MGAT3: variants seen among roughly 807,000 people sequenced by gnomAD.
The protein encoded by MGAT3 is beta-1,4-mannosyl-glycoprotein 4-beta-N-acetylglucosaminyltransferase.
Under a neutral mutation model 29.8 loss-of-function variants are expected in MGAT3, and 9 were observed. The ratio of observed to expected loss-of-function variants is 0.30; its 90% CI spans 0.18 to 0.53. MGAT3 has a LOEUF of 0.53. Ranked by LOEUF, MGAT3 falls within the 20% of genes least tolerant of loss-of-function variation. The pLI, the probability that MGAT3 is intolerant of heterozygous loss-of-function variation, is 0.96. For synonymous variants in MGAT3, 397 were observed against 348.9 expected (o/e 1.14, Z -1.54); for missense variants, 557 against 769.5 (o/e 0.72, Z 3.27).
At position 39,490,363 on chromosome 22, in the gene MGAT3, C is replaced by G. The variant is rs1418441249; in HGVS notation, c.*1414C>G. The G allele has an allele frequency of 1.2e-5, 2 of 167,114 alleles. No homozygotes were observed. The highest frequency in any genetic ancestry group is 2.9e-5 in the Non-Finnish European group (2 of 68,150). 10.4% of individuals were successfully genotyped at this position (167,114 alleles called of 1,614,324 possible). A position where few individuals can be genotyped will look rare whatever the true frequency, so the allele number is the denominator to read the frequency against. ...TCAGTCACATGGCCACAAGCAGCTG[C>G]TAGGGAACCTGGGAAGTGTAGTCTT... On this transcript the variant is annotated 3_prime_UTR_variant, in exon 2 of 2. Transcript: ENST00000341184.
Position 39,490,873 on chromosome 22 carries a change from A to G in MGAT3, c.*1924A>G, listed in dbSNP as rs1036633155. On this transcript the variant is annotated 3_prime_UTR_variant, in exon 2 of 2. Transcript: ENST00000341184. ...GTGGCCACACCTCCTGCAGCTCCCC[A>G]AAATGACTGAGGCAGAAAGCCCTTG... is the stretch of plus-strand genomic sequence containing the variant. 6.0e-6 allele frequency: 1 copy of G among 166,950 alleles called. No individual in the cohort carries two copies. The highest frequency in any genetic ancestry group is 1.5e-5 in the Non-Finnish European group (1 of 68,092). The allele number at this position is 166,950 out of a possible 1,614,324, so 10.3% of individuals were successfully genotyped here. A position where few individuals can be genotyped will look rare whatever the true frequency, so the allele number is the denominator to read the frequency against.
intron 1 of MGAT3, among the ~76,000 whole-genome samples, chr22:39,479,684 T>C (rs1433346400): frequency 1.3e-5 from 2 of 152,246 alleles, no homozygotes; most frequent in South Asian, 2.1e-4. Flanking sequence ...TACTGTGTGC[T>C]AGGCATCTCA....
In MGAT3 at chr22:39,488,940, G is replaced by A; in HGVS notation, c.1593G>A (p.Ala531=). Residue 531 remains alanine (A), a synonymous_variant, in exon 2 of 2, where the codon GCG becomes GCA. Coordinates refer to ENST00000341184, the MANE Select transcript of MGAT3 (RefSeq NM_002409.5). The part of the protein sequence containing the change: ...RPPARGKLDE[A]EV Reference sequence around the variant, plus strand: ...CCGCCCGGGGCAAACTGGACGAGGCGGAAGTCTAGAGCTGCATGATCTGAT... The same window carrying A: ...CCGCCCGGGGCAAACTGGACGAGGCAGAAGTCTAGAGCTGCATGATCTGAT... 7.5e-6 allele frequency: 12 copies of A among 1,605,038 alleles called. No individual in the cohort carries two copies. The highest frequency in any genetic ancestry group is 1.0e-5 in the Non-Finnish European group (12 of 1,176,434).
At chr22:39,484,277 C>G (rs1015328498) in intron 1 of MGAT3, among the ~76,000 whole-genome samples, 5 of 152,154 alleles carry the variant, frequency 3.3e-5, no homozygotes, top group African/African-American at 1.2e-4. Flanking sequence ...GGAACAAGAG[C>G]TTATTGAGCA....
At chr22:39,462,846 T>C (rs558295270) in intron 1 of MGAT3, among the ~76,000 whole-genome samples, 24 of 152,358 alleles carry the variant, frequency 1.6e-4, no homozygotes, top group Non-Finnish European at 3.1e-4. Flanking sequence ...TACCGTATTG[T>C]TTATGAACTT....
At chr22:39,480,758 C>G (rs1279936681) in intron 1 of MGAT3, among the ~76,000 whole-genome samples, 3 of 152,242 alleles carry the variant, frequency 2.0e-5, no homozygotes, top group African/African-American at 7.2e-5. Context: ...TGGCTGCAAG[C>G]CCCAGGTCTG....
In MGAT3 at chr22:39,487,281, G is replaced by C; in HGVS notation, c.-1-66G>C. The C allele has an allele frequency of 6.6e-7, 1 of 1,519,412 alleles. No homozygotes were observed. Among genetic ancestry groups the C allele is most frequent in the African/African-American group, 1.4e-5 (1 of 71,904 alleles). The allele number at this position is 1,519,412 out of a possible 1,614,324, so 94.1% of individuals were successfully genotyped here. On this transcript the variant is annotated intron_variant, in intron 1 of 1. Coordinates refer to ENST00000341184, the MANE Select transcript of MGAT3 (RefSeq NM_002409.5). This position sits in a 1 kb window ranked among gnomAD's most constrained non-coding sequence, Gnocchi z 5.7. Reference sequence around the variant, plus strand: ...GCAAGGTGGCAGCAGAGGCCTCCTAGGTCCCCTTCCTAGGAAAGGAGCCTG... The same window carrying C: ...GCAAGGTGGCAGCAGAGGCCTCCTACGTCCCCTTCCTAGGAAAGGAGCCTG...
Position 39,489,067 on chromosome 22 carries a change from G to A in MGAT3, c.*118G>A. 1 of 1,145,716 alleles carries A rather than the reference G, an allele frequency of 8.7e-7. No homozygotes were observed. The highest frequency in any genetic ancestry group is 1.6e-5 in the South Asian group (1 of 61,746). The allele number at this position is 1,145,716 out of a possible 1,614,324, so 71.0% of individuals were successfully genotyped here. A position where few individuals can be genotyped will look rare whatever the true frequency, so the allele number is the denominator to read the frequency against. On this transcript the variant is annotated 3_prime_UTR_variant, in exon 2 of 2. Coordinates refer to ENST00000341184, the MANE Select transcript of MGAT3 (RefSeq NM_002409.5). ...AGGGGACCAGGAGTGGGTGGGGAGT[G>A]GGGGTGGGGGTAGGGTTTCCCTACT... is the stretch of plus-strand genomic sequence containing the variant.
chr22:39,461,982 ACCTCTGACTC>A (rs1928512328), intron 1 of MGAT3, among the ~76,000 whole-genome samples: 1 of 151,302 alleles, frequency 6.6e-6, no homozygotes, highest in African/African-American at 2.4e-5. Flanking sequence ...GCTCACTGCA[ACCTCTGACTC>A]CCTGGTTCAA....
In MGAT3 at chr22:39,487,979, C is replaced by T; in HGVS notation, c.632C>T (p.Ala211Val). Residue 211 changes from alanine (A) to valine (V), a missense_variant, in exon 2 of 2, where the codon GCC (alanine) becomes GTC (valine). By Grantham distance (64) the Ala-to-Val change is moderately conservative. Coordinates refer to ENST00000341184, the MANE Select transcript of MGAT3 (RefSeq NM_002409.5). This position sits in a 1 kb window ranked among gnomAD's most constrained non-coding sequence, Gnocchi z 5.7. ...PREVPRRVIN[A>V]INVNHEFDLL... is the part of the protein sequence containing the mutation. ...GAGGTGCCGCGCCGCGTCATCAACG[C>T]CATCAACGTCAACCACGAGTTCGAC... The T allele has an allele frequency of 6.2e-7, 1 of 1,612,844 alleles. No homozygotes were observed. The highest frequency in any genetic ancestry group is 8.5e-7 in the Non-Finnish European group (1 of 1,179,856).
intron 1 of MGAT3, among the ~76,000 whole-genome samples, chr22:39,464,425 A>G (rs1202589311): frequency 6.6e-6 from 1 of 150,724 alleles, no homozygotes; most frequent in Non-Finnish European, 1.5e-5. Flanking sequence ...CGTAGAAGGC[A>G]TTTGATGCAT....
At chr22:39,472,055 T>C (rs1928826658) in intron 1 of MGAT3, among the ~76,000 whole-genome samples, 1 of 151,992 alleles carries the variant, frequency 6.6e-6, no homozygotes, top group Non-Finnish European at 1.5e-5. Flanking sequence ...CTCAGCCTCC[T>C]TCCAGGGTAG....
chr22:39,489,040 T>C lies in MGAT3; in HGVS notation c.*91T>C. ...TGCCTCCTGCCGGCTCCTTGGTTCT[T>C]GAGGGGACCAGGAGTGGGTGGGGAG... On this transcript the variant is annotated 3_prime_UTR_variant, in exon 2 of 2. Coordinates refer to ENST00000341184, the MANE Select transcript of MGAT3 (RefSeq NM_002409.5). The C allele has an allele frequency of 7.9e-7, 1 of 1,268,332 alleles. No homozygotes were observed. The highest frequency in any genetic ancestry group is 1.0e-6 in the Non-Finnish European group (1 of 962,064). The allele number at this position is 1,268,332 out of a possible 1,614,324, so 78.6% of individuals were successfully genotyped here.
chr22:39,471,942 G>A (rs1001589491), intron 1 of MGAT3, among the ~76,000 whole-genome samples: 1 of 152,210 alleles, frequency 6.6e-6, no homozygotes, highest in Non-Finnish European at 1.5e-5. Context: ...CCCCAGGGAA[G>A]GCAAGGGCTA....
chr22:39,459,866 T>C (rs1928448263), intron 1 of MGAT3, among the ~76,000 whole-genome samples: 1 of 152,222 alleles, frequency 6.6e-6, no homozygotes, highest in Non-Finnish European at 1.5e-5. Flanking sequence ...TGCGGTATTA[T>C]TACCTGGAAA....
rs551825414 is a variant in MGAT3, at chr22:39,487,630, C to G, written c.283C>G (p.Arg95Gly). ...PPSKAAEELH[R>G]VDLVLPEDTT... ...CAGCAAGGCGGCCGAGGAGCTCCACCGGGTGGACTTGGTGCTGCCCGAGGA... is the reference window on the plus strand; with the variant it reads ...CAGCAAGGCGGCCGAGGAGCTCCACGGGGTGGACTTGGTGCTGCCCGAGGA... The change falls in exon 2 of 2, where the codon CGG becomes GGG. Residue 95 changes from arginine (R) to glycine (G), a missense_variant. Physicochemically the swap from Arg to Gly is moderately radical, Grantham distance 125. Around this residue, in one of 3 missense-constraint regions of MGAT3, gnomAD observed 212 missense variants for 228.5 expected, o/e 0.93. Transcript: ENST00000341184. This position sits in a 1 kb window ranked among gnomAD's most constrained non-coding sequence, Gnocchi z 5.7. 3 of 1,611,488 alleles carry G rather than the reference C, an allele frequency of 1.9e-6. No homozygotes were observed. The South Asian group carries it at 3.3e-5, about 18-fold the overall frequency.
chr22:39,464,957 A>G (rs1928598900), intron 1 of MGAT3, among the ~76,000 whole-genome samples: 1 of 151,318 alleles, frequency 6.6e-6, no homozygotes, highest in East Asian at 1.9e-4. Flanking sequence ...GGGTTTCACC[A>G]TGTTAGCCAG....
chr22:39,489,067 G>C lies in MGAT3; in HGVS notation c.*118G>C, dbSNP rs1929378647. 2 of 1,145,598 alleles carry C rather than the reference G, an allele frequency of 1.7e-6. No individual in the cohort carries two copies. The highest frequency in any genetic ancestry group is 2.4e-6 in the Non-Finnish European group (2 of 832,430). 71.0% of individuals were successfully genotyped at this position (1,145,598 alleles called of 1,614,324 possible). On this transcript the variant is annotated 3_prime_UTR_variant, in exon 2 of 2. Coordinates refer to ENST00000341184, the MANE Select transcript of MGAT3 (RefSeq NM_002409.5). The stretch of plus-strand genomic sequence containing the variant: ...AGGGGACCAGGAGTGGGTGGGGAGT[G>C]GGGGTGGGGGTAGGGTTTCCCTACT...
chr22:39,474,511 G>C (rs1442996295), intron 1 of MGAT3, among the ~76,000 whole-genome samples: 1 of 152,204 alleles, frequency 6.6e-6, no homozygotes, highest in Non-Finnish European at 1.5e-5. Context: ...GAGGCCAGTA[G>C]TGCTACAGTC....
Sources: allele counts gnomAD v4.1 joint callset (sites outside exome capture counted in the v4.1 genomes callset), GRCh38; gene constraint gnomAD v4.1.1; regional missense constraint gnomAD v4.1.1; non-coding constraint Gnocchi (gnomAD v3.1); transcripts MANE v1.5; gene names NCBI Gene and HGNC (gene_info 2026-07-23, HGNC 2026-07-21).